HDAC9: variants seen among roughly 807,000 people sequenced by gnomAD.
HDAC9 encodes MEF-2 interacting transcription repressor (MITR) protein.
HDAC9 carries 41 observed loss-of-function variants against 139.4 expected under a neutral mutation model. That is an observed-to-expected ratio of 0.29 (90% CI 0.23 to 0.38). The LOEUF (loss-of-function observed/expected upper bound fraction) is 0.38. HDAC9 is among the 10% of genes least tolerant of loss of function. The pLI is 1.00. For synonymous variants in HDAC9, 517 were observed against 476.2 expected, an observed-to-expected ratio of 1.09 and a Z score of -1.12; for missense variants, 1,147 against 1,297.0, an observed-to-expected ratio of 0.88 and a Z score of 1.78.
chr7:18,455,064 T>C (rs1793218997), intron 1 of HDAC9, among the ~76,000 whole-genome samples: 1 of 152,074 alleles, frequency 6.6e-6, no homozygotes, highest in Admixed American at 6.6e-5. Context: ...TTTTTCTTTT[T>C]GAAAACTGAA....
intron 21 of HDAC9, among the ~76,000 whole-genome samples, chr7:18,867,997 A>G (rs1460302786): frequency 6.6e-6 from 1 of 152,104 alleles, no homozygotes; most frequent in Non-Finnish European, 1.5e-5. Flanking sequence ...TCATAACAGC[A>G]TGTCTTTGTT....
chr7:18,311,806 G>T (rs895682226), intron 1 of HDAC9, among the ~76,000 whole-genome samples: 2 of 152,212 alleles, frequency 1.3e-5, no homozygotes, highest in Non-Finnish European at 2.9e-5. Context: ...AAGGAATGGA[G>T]ACTGGCTGTA....
intron 22 of HDAC9, among the ~76,000 whole-genome samples, chr7:18,932,695 A>G (rs1267481510): frequency 6.6e-6 from 1 of 152,092 alleles, no homozygotes; most frequent in Admixed American, 6.6e-5. Flanking sequence ...AAATACTCCT[A>G]AATAAAACAT....
At chr7:18,286,589 A>G (rs898528875), upstream of HDAC9, among the ~76,000 whole-genome samples, 6 of 151,792 alleles carry the variant, frequency 4.0e-5, no homozygotes, top group Non-Finnish European at 7.4e-5. Flanking sequence ...CAGTTTTTAT[A>G]GGAATAAAAT....
chr7:18,931,677 T>G (rs1284662364), intron 22 of HDAC9, among the ~76,000 whole-genome samples: 2 of 152,176 alleles, frequency 1.3e-5, no homozygotes, highest in Non-Finnish European at 2.9e-5. Flanking sequence ...ATGTATTATT[T>G]TATTGTTCAA....
intron 2 of HDAC9, among the ~76,000 whole-genome samples, chr7:18,568,494 A>G (rs1563312710): frequency 6.6e-6 from 1 of 152,206 alleles, no homozygotes; most frequent in Admixed American, 6.5e-5. Context: ...TTAAAGTGCC[A>G]TCATTCTTAT....
intron 2 of HDAC9, among the ~76,000 whole-genome samples, chr7:18,215,676 G>A (rs776894571): frequency 5.9e-5 from 9 of 152,094 alleles, no homozygotes; most frequent in African/African-American, 9.7e-5. Context: ...TGTAGTCCCC[G>A]AATAGTGGGG....
intron 17 of HDAC9, among the ~76,000 whole-genome samples, chr7:18,825,893 TATA>T (rs1451800876): frequency 1.3e-5 from 2 of 148,232 alleles, no homozygotes; most frequent in Non-Finnish European, 3.0e-5. Flanking sequence ...ATATAATATA[TATA>T]ATGTTATATT....
intron 2 of HDAC9, among the ~76,000 whole-genome samples, chr7:18,240,839 A>G (rs946326546): frequency 6.6e-6 from 1 of 152,160 alleles, no homozygotes; most frequent in Non-Finnish European, 1.5e-5. Flanking sequence ...GCAAACACAG[A>G]CCTACTTCAG....
chr7:18,555,510 A>ACC (rs1273174700), intron 2 of HDAC9, among the ~76,000 whole-genome samples: 3 of 151,806 alleles, frequency 2.0e-5, no homozygotes, highest in Non-Finnish European at 4.4e-5. Flanking sequence ...GAGATTGTTG[A>ACC]CCCCCCAAAA....
chr7:18,173,354 G>A (rs1296047099), intron 2 of HDAC9, among the ~76,000 whole-genome samples: 4 of 152,094 alleles, frequency 2.6e-5, no homozygotes, highest in Non-Finnish European at 4.4e-5. Context: ...GTCTCTGCAC[G>A]TCAGATGGGT....
chr7:18,276,211 C>T (rs1000781387), intron 2 of HDAC9, among the ~76,000 whole-genome samples: 1 of 152,114 alleles, frequency 6.6e-6, no homozygotes, highest in African/African-American at 2.4e-5. Context: ...CATTTTTAAC[C>T]TGTATGAAAC....
At chr7:18,165,428 A>G (rs1374352334) in intron 2 of HDAC9, among the ~76,000 whole-genome samples, 1 of 152,162 alleles carries the variant, frequency 6.6e-6, no homozygotes, top group Admixed American at 6.5e-5. Flanking sequence ...TCTCAAGTAA[A>G]TGTTTCTCTT....
intron 22 of HDAC9, among the ~76,000 whole-genome samples, chr7:18,878,917 C>A (rs1259453166): frequency 6.6e-6 from 1 of 152,198 alleles, no homozygotes; most frequent in Non-Finnish European, 1.5e-5. Context: ...ACCCCACAGT[C>A]TTGGCCCAAA....
At chr7:18,313,720 A>G (rs1014747435) in intron 1 of HDAC9, among the ~76,000 whole-genome samples, 2 of 152,230 alleles carry the variant, frequency 1.3e-5, no homozygotes, top group African/African-American at 4.8e-5. Context: ...AACCACTGGA[A>G]TAATAACATA....
chr7:18,957,739 G>T, intron 24 of HDAC9, among the ~76,000 whole-genome samples: 1 of 152,168 alleles, frequency 6.6e-6, no homozygotes, highest in East Asian at 1.9e-4. Context: ...GGTAGTCCTT[G>T]TTCAACAGGA....
rs543997069 is a variant in HDAC9 at position 18,892,141 on chromosome 7, G to A, written c.2803+17545G>A. On this transcript the variant is annotated intron_variant, in intron 22 of 25. Transcript: ENST00000686413. ...TGGAAGAAACACAAACTAGGAAATAGGAGACCTGCGTTCTACAGACACGAA... is the reference window on the plus strand; with the variant it reads ...TGGAAGAAACACAAACTAGGAAATAAGAGACCTGCGTTCTACAGACACGAA... 9 of 152,220 alleles carry A rather than the reference G, an allele frequency of 5.9e-5. No individual in the cohort carries two copies. In the East Asian group the frequency reaches 7.7e-4, roughly 13 times the overall value. 9.4% of individuals were successfully genotyped at this position (152,220 alleles called of 1,614,324 possible). A position where few individuals can be genotyped will look rare whatever the true frequency, so the allele number is the denominator to read the frequency against.
chr7:18,495,176 C>T (rs1483120652), upstream of HDAC9, among the ~76,000 whole-genome samples: 1 of 152,032 alleles, frequency 6.6e-6, no homozygotes, highest in Non-Finnish European at 1.5e-5. Flanking sequence ...GGCAGAAAAG[C>T]TTCTAGTGCT....
At chr7:18,832,745 T>G (rs936272853) in intron 19 of HDAC9, among the ~76,000 whole-genome samples, 2 of 152,002 alleles carry the variant, frequency 1.3e-5, no homozygotes, top group African/African-American at 4.8e-5. Flanking sequence ...ATATATTTTT[T>G]TTTTCTTGAG....
Sources: allele counts gnomAD v4.1 joint callset (sites outside exome capture counted in the v4.1 genomes callset), GRCh38; gene constraint gnomAD v4.1.1; transcripts MANE v1.5; gene names NCBI Gene and HGNC (gene_info 2026-07-23, HGNC 2026-07-21).